MYO5B: variants seen among roughly 807,000 people sequenced by gnomAD.
MYO5B encodes unconventional myosin-Vb.
MYO5B carries 143 observed loss-of-function variants against 229.3 expected under a neutral mutation model. The observed-to-expected ratio is 0.62, with a 90% CI of 0.54 to 0.72. MYO5B has a LOEUF of 0.72. MYO5B is among the 30% of genes least tolerant of loss of function. The probability of loss-of-function intolerance (pLI) is 0.00; values close to 1 mark genes in which losing one functional copy is unlikely to be tolerated. For missense variants in MYO5B, 2,321 were observed against 2,331.0 expected (o/e 1.00, Z 0.09); for synonymous variants, 918 against 885.2 (o/e 1.04, Z -0.66).
rs1264035931 is a variant in MYO5B, at chr18:49,912,123, C to G, written c.2141G>C (p.Arg714Thr). The G allele has an allele frequency of 3.7e-6, 6 of 1,614,000 alleles. No individual in the cohort carries two copies. The highest frequency in any genetic ancestry group is 5.1e-6 in the Non-Finnish European group (6 of 1,180,032). Residue 714 changes from arginine (R) to threonine (T), a missense_variant, in exon 18 of 40, where the codon AGA becomes ACA. Arg to Thr is a moderately conservative substitution (Grantham distance 71, BLOSUM62 -1). Transcript: ENST00000285039. ...CTTTTTGTCTGTGTTGGCGAGCTCT[C>G]TCTTCTTGACCAGCACCCGATACCG... ...FNRYRVLVKK[R>T]ELANTDKKAI... is the part of the protein sequence containing the mutation.
At chr18:49,990,650 A>T (rs1040022585) in intron 6 of MYO5B, 130 bp from the exon 7 acceptor site, 2 of 727,406 alleles carry the variant, frequency 2.7e-6, no homozygotes, top group African/African-American at 3.5e-5. Flanking sequence ...TTTCCTCCAC[A>T]CCTCTGCCAC....
intron 10 of MYO5B, among the ~76,000 whole-genome samples, chr18:49,966,671 T>G (rs969420438): frequency 2.4e-4 from 36 of 152,362 alleles, no homozygotes; most frequent in African/African-American, 8.7e-4. Flanking sequence ...CTCAGACTTG[T>G]CATTTTCTAA....
At chr18:50,023,559 G>T (rs1430798026) in intron 4 of MYO5B, among the ~76,000 whole-genome samples, 1 of 152,152 alleles carries the variant, frequency 6.6e-6, no homozygotes. Flanking sequence ...AATTACGGAA[G>T]CCACATTTTG....
intron 1 of MYO5B, among the ~76,000 whole-genome samples, chr18:50,060,136 A>T (rs549622607): frequency 6.6e-6 from 1 of 152,292 alleles, no homozygotes; most frequent in South Asian, 2.1e-4. Flanking sequence ...TAAAAGCCAA[A>T]TTGTTCACTT....
intron 22 of MYO5B, among the ~76,000 whole-genome samples, chr18:49,883,384 C>T (rs1218045293): frequency 8.7e-5 from 13 of 149,880 alleles, no homozygotes; most frequent in Non-Finnish European, 2.9e-5. Flanking sequence ...ATTAAGAAAA[C>T]GATTCCACTA....
intron 17 of MYO5B, among the ~76,000 whole-genome samples, chr18:49,919,102 T>C (rs2025048157): frequency 6.6e-6 from 1 of 152,240 alleles, no homozygotes; most frequent in Non-Finnish European, 1.5e-5. Flanking sequence ...CAATGGTCAA[T>C]GTGATCCTTT....
intron 32 of MYO5B, among the ~76,000 whole-genome samples, chr18:49,848,213 A>G (rs931764780): frequency 5.9e-5 from 9 of 152,340 alleles, no homozygotes; most frequent in African/African-American, 2.2e-4. Flanking sequence ...CAGCTCAGTC[A>G]GGCACCAAGC....
At chr18:49,840,005 A>G (rs2024037771) in intron 35 of MYO5B, 1 of 153,200 alleles carries the variant, frequency 6.5e-6, no homozygotes, top group South Asian at 2.1e-4. Flanking sequence ...TCTTAATATG[A>G]AAAAAAGCAG....
chr18:49,933,342 C>T (rs2025215266), intron 16 of MYO5B, among the ~76,000 whole-genome samples: 1 of 152,258 alleles, frequency 6.6e-6, no homozygotes, highest in African/African-American at 2.4e-5. Context: ...CACAGAGCCA[C>T]CGACAGCCAC....
intron 1 of MYO5B, among the ~76,000 whole-genome samples, chr18:50,109,421 T>A (rs1427929863): frequency 7.3e-6 from 1 of 137,254 alleles, no homozygotes; most frequent in East Asian, 2.1e-4. Flanking sequence ...CTGGTCATGA[T>A]TTTTCTTTTT....
At chr18:50,031,748 C>CA (rs1290541140) in intron 4 of MYO5B, among the ~76,000 whole-genome samples, 3 of 152,212 alleles carry the variant, frequency 2.0e-5, no homozygotes, top group Non-Finnish European at 2.9e-5. Context: ...TCTCTTGTAT[C>CA]ATATTATTTC....
chr18:50,153,794 G>GAAGT lies in MYO5B; in HGVS notation c.27+40969_27+40972dup, dbSNP rs1324851017. Among the ~76,000 whole-genome samples, 6 of 152,252 alleles carry GAAGT rather than the reference G, an allele frequency of 3.9e-5. 1 individual carries two copies. Among genetic ancestry groups the GAAGT allele is most frequent in the South Asian group, 4.2e-4 (2 of 4,818 alleles). ...AAAATCAACTCTACCCTTGAGTGGG[G>GAAGT]AAGTGAGTGAGTGAGTGAGCGAGCG... On this transcript the variant is annotated intron_variant, in intron 1 of 39. Coordinates refer to ENST00000285039, the MANE Select transcript of MYO5B (RefSeq NM_001080467.3).
intron 14 of MYO5B, among the ~76,000 whole-genome samples, chr18:49,950,975 C>CATCT (rs1337050017): frequency 1.3e-5 from 2 of 152,182 alleles, no homozygotes; most frequent in Non-Finnish European, 2.9e-5. Context: ...TTATGTTGAG[C>CATCT]ATCTGCTTTC....
intron 22 of MYO5B, among the ~76,000 whole-genome samples, chr18:49,881,759 C>T (rs922141031): frequency 9.3e-5 from 14 of 149,860 alleles, no homozygotes; most frequent in East Asian, 7.9e-4. Flanking sequence ...GCCGAGATCG[C>T]GCCACTGTAC....
chr18:50,182,631 A>T (rs1352536123), intron 1 of MYO5B, among the ~76,000 whole-genome samples: 1 of 152,248 alleles, frequency 6.6e-6, no homozygotes, highest in Non-Finnish European at 1.5e-5. Context: ...ACTGTCATAA[A>T]AAAGAAAAAC....
At chr18:50,020,086 C>CA (rs1389747824) in intron 4 of MYO5B, among the ~76,000 whole-genome samples, 1 of 152,200 alleles carries the variant, frequency 6.6e-6, no homozygotes, top group Non-Finnish European at 1.5e-5. Flanking sequence ...ACCCTACCCT[C>CA]AGTCACCTGT....
At chr18:49,864,798 A>G (rs1421876237) in intron 27 of MYO5B, among the ~76,000 whole-genome samples, 2 of 152,254 alleles carry the variant, frequency 1.3e-5, no homozygotes, top group East Asian at 3.8e-4. Context: ...AGGATTTCCT[A>G]AACTTATTTG....
At chr18:49,967,552 C>T (rs140628019) in intron 10 of MYO5B, among the ~76,000 whole-genome samples, 53 of 152,298 alleles carry the variant, frequency 3.5e-4, no homozygotes, top group Non-Finnish European at 5.1e-4. Context: ...TAGATACAGA[C>T]GATAGCTTCC....
chr18:49,909,292 G>T (rs538316504), intron 18 of MYO5B, among the ~76,000 whole-genome samples: 6 of 152,316 alleles, frequency 3.9e-5, no homozygotes, highest in Middle Eastern at 3.4e-3. Flanking sequence ...TAGCATTAGT[G>T]TCTCTATTCA....
Sources: gnomAD v4.1 joint callset for allele counts (sites outside exome capture counted in the v4.1 genomes callset) on GRCh38, gnomAD v4.1.1 for gene constraint, MANE v1.5 for transcripts, NCBI Gene and HGNC (gene_info 2026-07-23, HGNC 2026-07-21) for gene names.